Variants in NES observed in about 807,000 individuals in gnomAD.
NES encodes nestin.
NES carries 27 observed loss-of-function variants against 35.6 expected under a neutral mutation model. The observed-to-expected ratio is 0.76, with a 90% CI of 0.56 to 1.04. NES has a LOEUF of 1.04. Among genes scored for constraint, NES ranks in the 50% least tolerant of loss-of-function variants. The pLI is 0.00. For missense variants in NES, 1,867 were observed against 1,983.6 expected, an observed-to-expected ratio of 0.94 and a Z score of 1.12; for synonymous variants, 822 against 824.2, an observed-to-expected ratio of 1.00 and a Z score of 0.04.
Position 156,677,240 on chromosome 1 carries a change from A to G in NES, c.25T>C (p.Ser9Pro), listed in dbSNP as rs774233165. 6.2e-7 allele frequency: 1 copy of G among 1,609,956 alleles called. No homozygotes were observed. Among genetic ancestry groups the G allele is most frequent in the African/African-American group, 1.4e-5 (1 of 74,006 alleles). MEGCMGEE[S>P]FQMWELNRRL... is the part of the protein sequence containing the mutation. Reference sequence around the variant, plus strand: ...CGATTGAGCTCCCACATCTGAAACGACTCCTCCCCCATGCAGCCCTCCATC... The same window carrying G: ...CGATTGAGCTCCCACATCTGAAACGGCTCCTCCCCCATGCAGCCCTCCATC... The change falls in exon 1 of 4, where the codon TCG becomes CCG. Residue 9 changes from serine (S) to proline (P), a missense_variant. Physicochemically the swap from Ser to Pro is moderately conservative, Grantham distance 74. Transcript: ENST00000368223. This position sits in a 1 kb window ranked among gnomAD's most constrained non-coding sequence, Gnocchi z 4.5.
Position 156,676,733 on chromosome 1 carries a change from G to C in NES, c.532C>G (p.Leu178Val). Residue 178 changes from leucine to valine, a missense_variant, in exon 1 of 4, where the codon CTG becomes GTG. Leu to Val is a conservative substitution (Grantham distance 32, BLOSUM62 1). Transcript: ENST00000368223. This position sits in a 1 kb window ranked among gnomAD's most constrained non-coding sequence, Gnocchi z 5.3. ...CACGCCTCGCCCAGTCGCCTTGCCA[G>C]CTCCTCTACCTCCGGGGCCGGCGCG... is the stretch of plus-strand genomic sequence containing the variant. ...PPAPAPEVEELARRLGEAWRG... is the reference protein window; with the variant it reads ...PPAPAPEVEEVARRLGEAWRG... 1 of 1,385,606 alleles carries C rather than the reference G, an allele frequency of 7.2e-7. No individual in the cohort carries two copies. 85.8% of individuals were successfully genotyped at this position (1,385,606 alleles called of 1,614,324 possible). A position where few individuals can be genotyped will look rare whatever the true frequency, so the allele number is the denominator to read the frequency against.
rs183621633 is a variant in NES, at chr1:156,675,629, C to T, written c.784-289G>A. Among the ~76,000 whole-genome samples the T allele has an allele frequency of 3.9e-5, 6 of 152,236 alleles. No individual in the cohort carries two copies. The East Asian group carries it at 1.2e-3, about 29-fold the overall frequency. ...GCACATGTTGCTCAGAACACAGCTC[C>T]CACAGGAAGGGGAGGTGAGGGAGGA... On this transcript the variant is annotated intron_variant, in intron 1 of 3. Coordinates refer to ENST00000368223, the MANE Select transcript of NES (RefSeq NM_006617.2).
chr1:156,676,878 C>T lies in NES; in HGVS notation c.387G>A (p.Gln129=). The change falls in exon 1 of 4, where the codon CAG becomes CAA. Residue 129 remains glutamine (Q), a synonymous_variant. Coordinates refer to ENST00000368223, the MANE Select transcript of NES (RefSeq NM_006617.2). The surrounding 1 kb of genome is among the most constrained non-coding windows in gnomAD (Gnocchi z 5.3). ...EKCARAWLSS[Q]VAELERELEA... Reference sequence around the variant, plus strand: ...CTAGCTCGCGCTCCAGCTCTGCCACCTGGCTACTCAGCCAGGCCCGGGCGC... The same window carrying T: ...CTAGCTCGCGCTCCAGCTCTGCCACTTGGCTACTCAGCCAGGCCCGGGCGC... 6.5e-7 allele frequency: 1 copy of T among 1,535,392 alleles called. No individual in the cohort carries two copies. The highest frequency in any genetic ancestry group is 8.7e-7 in the Non-Finnish European group (1 of 1,152,924).
chr1:156,673,123 G>T lies in NES; in HGVS notation c.1065C>A (p.Ser355=). The change falls in exon 4 of 4, where the codon TCC becomes TCA. Residue 355 remains serine, a synonymous_variant. Transcript: ENST00000368223. The part of the protein sequence containing the change: ...GSLLPVLSPT[S]LPSPLPATLE... Reference sequence around the variant, plus strand: ...GGGTAGCAGGCAAGGGTGAGGGGAGGGAAGTTGGGCTCAGGACTGGGAGCA... The same window carrying T: ...GGGTAGCAGGCAAGGGTGAGGGGAGTGAAGTTGGGCTCAGGACTGGGAGCA... The T allele has an allele frequency of 6.3e-7, 1 of 1,580,308 alleles. No individual in the cohort carries two copies. The highest frequency in any genetic ancestry group is 8.6e-7 in the Non-Finnish European group (1 of 1,161,028).
chr1:156,672,239 C>T lies in NES; in HGVS notation c.1949G>A (p.Gly650Glu). The T allele has an allele frequency of 6.3e-7, 1 of 1,596,876 alleles. No homozygotes were observed. The highest frequency in any genetic ancestry group is 8.5e-7 in the Non-Finnish European group (1 of 1,174,880). The change falls in exon 4 of 4, where the codon GGA becomes GAA. Residue 650 changes from glycine (G) to glutamate (E), a missense_variant. By Grantham distance (98) the Gly-to-Glu change is moderately conservative. Coordinates refer to ENST00000368223, the MANE Select transcript of NES (RefSeq NM_006617.2). ...ACTTACTAATTCTTGATTTTCCGTT[C>T]CTGGAAATAAAAATGTCTCTAGATT... ...EGNLETFLFP[G>E]TENQELVSSL... is the part of the protein sequence containing the mutation.
Position 156,670,312 on chromosome 1 carries a change from C to T in NES, c.3876G>A (p.Gly1292=). 1 of 1,612,000 alleles carries T rather than the reference C, an allele frequency of 6.2e-7. No homozygotes were observed. Among genetic ancestry groups the T allele is most frequent in the South Asian group, 1.1e-5 (1 of 90,830 alleles). ...SREESEEDEL[G]ETLPDSTPLG... ...GGGGAGTGGAGTCTGGAAGGGTCTC[C>T]CCGAGCTCATCCTCCTCGCTCTCTT... is the stretch of plus-strand genomic sequence containing the variant. The change falls in exon 4 of 4, where the codon GGG becomes GGA. Residue 1292 remains glycine (G), a synonymous_variant. Transcript: ENST00000368223.
In NES at chr1:156,670,236, C is replaced by G. The variant is rs781700176; in HGVS notation, c.3952G>C (p.Glu1318Gln). Residue 1318 changes from glutamate (E) to glutamine (Q), a missense_variant, in exon 4 of 4, where the codon GAG becomes CAG. Physicochemically the swap from Glu to Gln is conservative, Grantham distance 29. Coordinates refer to ENST00000368223, the MANE Select transcript of NES (RefSeq NM_006617.2). ...TCCCCTTGAGGGGGTGGCCTCTGCTCTCCAGTGGGGTCCCACCTGGGGGAG... is the reference window on the plus strand; with the variant it reads ...TCCCCTTGAGGGGGTGGCCTCTGCTGTCCAGTGGGGTCCCACCTGGGGGAG... ...PTSPRWDPTGEQRPPPQGETG... is the reference protein window; with the variant it reads ...PTSPRWDPTGQQRPPPQGETG... 2 of 1,613,672 alleles carry G rather than the reference C, an allele frequency of 1.2e-6. No homozygotes were observed. The highest frequency in any genetic ancestry group is 2.2e-5 in the South Asian group (2 of 91,032).
chr1:156,676,976 G>A lies in NES; in HGVS notation c.289C>T (p.Gln97Ter). 1.3e-6 allele frequency: 2 copies of A among 1,565,964 alleles called. No homozygotes were observed. Among genetic ancestry groups the A allele is most frequent in the East Asian group, 2.4e-5 (1 of 41,846 alleles). Residue 97 changes from glutamine (Q) to a stop codon, truncating the protein, a stop_gained, in exon 1 of 4, where the codon CAG becomes TAG. Transcript: ENST00000368223. LOFTEE classifies it high-confidence loss of function. The surrounding 1 kb of genome is among the most constrained non-coding windows in gnomAD (Gnocchi z 5.3). Reference sequence around the variant, plus strand: ...GTCCGCTCCCGGGCCAGCCGCAGCTGCTGGCATCGGCCTGCCACGCCCTCC... The same window carrying A: ...GTCCGCTCCCGGGCCAGCCGCAGCTACTGGCATCGGCCTGCCACGCCCTCC... ...ELEGVAGRCQ[Q>*]LRLARERTTE...
At position 156,670,795 on chromosome 1, in the gene NES, T is replaced by A. The variant is rs755691692; in HGVS notation, c.3393A>T (p.Ala1131=). The change falls in exon 4 of 4, where the codon GCA becomes GCT. Residue 1131 remains alanine (A), a synonymous_variant. Coordinates refer to ENST00000368223, the MANE Select transcript of NES (RefSeq NM_006617.2). The part of the protein sequence containing the change: ...EPPLEEESLE[A]KRVQGLEGPR... ...GCCCTTCCAAGCCCTGAACCCTCTT[T>A]GCCTCCAAACTCTCCTCTTCCAGGG... 1 of 1,614,100 alleles carries A rather than the reference T, an allele frequency of 6.2e-7. No homozygotes were observed. Among genetic ancestry groups the A allele is most frequent in the Non-Finnish European group, 8.5e-7 (1 of 1,179,976 alleles).
Position 156,676,863 on chromosome 1 carries a change from C to A in NES, c.402G>T (p.Glu134Asp). 1 of 1,527,172 alleles carries A rather than the reference C, an allele frequency of 6.5e-7. No individual in the cohort carries two copies. The highest frequency in any genetic ancestry group is 2.5e-5 in the East Asian group (1 of 39,626). The allele number at this position is 1,527,172 out of a possible 1,614,324, so 94.6% of individuals were successfully genotyped here. The change falls in exon 1 of 4, where the codon GAG (glutamate) becomes GAT (aspartate). Residue 134 changes from glutamate (E) to aspartate (D), a missense_variant. By Grantham distance (45) the Glu-to-Asp change is conservative. Coordinates refer to ENST00000368223, the MANE Select transcript of NES (RefSeq NM_006617.2). The surrounding 1 kb of genome is among the most constrained non-coding windows in gnomAD (Gnocchi z 5.3). ...AWLSSQVAEL[E>D]RELEALRVAH... ...CCACGCGTAGAGCCTCTAGCTCGCGCTCCAGCTCTGCCACCTGGCTACTCA... is the reference window on the plus strand; with the variant it reads ...CCACGCGTAGAGCCTCTAGCTCGCGATCCAGCTCTGCCACCTGGCTACTCA...
In NES at chr1:156,671,618, T is replaced by C. The variant is rs1483838224; in HGVS notation, c.2570A>G (p.Gln857Arg). ...APLWTPEEIN[Q>R]GAMNPLEKEI... ...CTTTTCTAGAGGATTCATTGCCCCC[T>C]GATTTATTTCTTCTGGAGTCCACAG... Residue 857 changes from glutamine to arginine, a missense_variant, in exon 4 of 4, where the codon CAG becomes CGG. Gln to Arg is a conservative substitution (Grantham distance 43). Transcript: ENST00000368223. The C allele has an allele frequency of 6.2e-7, 1 of 1,614,022 alleles. No homozygotes were observed. Among genetic ancestry groups the C allele is most frequent in the East Asian group, 2.2e-5 (1 of 44,892 alleles).
Position 156,676,600 on chromosome 1 carries a change from C to T in NES, c.665G>A (p.Arg222His), listed in dbSNP as rs754568965. Reference protein sequence around the residue: ...GRAVQGAREGRLELQQLQAER... With the variant: ...GRAVQGAREGHLELQQLQAER... ...AGCCTGGAGCTGCTGCAGCTCCAGG[C>T]GGCCCTCGCGGGCACCCTGCACCGC... Residue 222 changes from arginine (R) to histidine (H), a missense_variant, in exon 1 of 4, where the codon CGC becomes CAC. Transcript: ENST00000368223. This position sits in a 1 kb window ranked among gnomAD's most constrained non-coding sequence, Gnocchi z 5.3. The T allele has an allele frequency of 6.4e-7, 1 of 1,570,344 alleles. No homozygotes were observed. The highest frequency in any genetic ancestry group is 8.6e-7 in the Non-Finnish European group (1 of 1,166,542).
At position 156,673,008 on chromosome 1, in the gene NES, G is replaced by C. The variant is rs751531373; in HGVS notation, c.1180C>G (p.Pro394Ala). Residue 394 changes from proline (P) to alanine (A), a missense_variant, in exon 4 of 4, where the codon CCT becomes GCT. Physicochemically the swap from Pro to Ala is conservative, Grantham distance 27. Coordinates refer to ENST00000368223, the MANE Select transcript of NES (RefSeq NM_006617.2). ...TLASTPIPPT[P>A]QAPSPAVDAE... is the part of the protein sequence containing the mutation. ...TCTACAGCAGGAGAGGGTGCCTGAG[G>C]TGTGGGGGGGATGGGGGTGCTGGCC... is the stretch of plus-strand genomic sequence containing the variant. The C allele has an allele frequency of 4.3e-6, 7 of 1,612,488 alleles. No individual in the cohort carries two copies. Among genetic ancestry groups the C allele is most frequent in the Non-Finnish European group, 5.9e-6 (7 of 1,178,736 alleles).
In NES at chr1:156,677,087, G is replaced by T; in HGVS notation, c.178C>A (p.Leu60Met). Residue 60 changes from leucine to methionine, a missense_variant, in exon 1 of 4, where the codon CTG (leucine) becomes ATG (methionine). Coordinates refer to ENST00000368223, the MANE Select transcript of NES (RefSeq NM_006617.2). The surrounding 1 kb of genome is among the most constrained non-coding windows in gnomAD (Gnocchi z 4.5). ...TSWRAHADDE[L>M]AALRALVDQR... ...TCAACGAGGGCCCGCAGGGCCGCCAGCTCGTCGTCGGCATGCGCCCGCCAG... is the reference window on the plus strand; with the variant it reads ...TCAACGAGGGCCCGCAGGGCCGCCATCTCGTCGTCGGCATGCGCCCGCCAG... 6.2e-7 allele frequency: 1 copy of T among 1,602,430 alleles called. No individual in the cohort carries two copies. The highest frequency in any genetic ancestry group is 8.5e-7 in the Non-Finnish European group (1 of 1,175,786).
intron 2 of NES, among the ~76,000 whole-genome samples, chr1:156,674,408 G>A (rs1679797951): frequency 6.6e-6 from 1 of 152,116 alleles, no homozygotes. Context: ...CCTGGCGGTG[G>A]AGCCCCTCTC....
rs1292939595 is a variant in NES at position 156,676,332 on chromosome 1, CTAGGACT to C, written c.783+143_783+149del. Reference sequence around the variant, plus strand: ...CCTACACTAGACGGGCTGTAAAAGTCTAGGACTTGTGGCACCAGGTTTCTGAGAACTG... The same window carrying C: ...CCTACACTAGACGGGCTGTAAAAGTCTGTGGCACCAGGTTTCTGAGAACTG... On this transcript the variant is annotated intron_variant, in intron 1 of 3. Transcript: ENST00000368223. This position sits in a 1 kb window ranked among gnomAD's most constrained non-coding sequence, Gnocchi z 5.3. The C allele has an allele frequency of 5.4e-6, 4 of 745,824 alleles. No individual in the cohort carries two copies. In the African/African-American group the frequency reaches 7.1e-5, roughly 13 times the overall value. The allele number at this position is 745,824 out of a possible 1,614,324, so 46.2% of individuals were successfully genotyped here.
At position 156,669,466 on chromosome 1, in the gene NES, G is replaced by A. The variant is rs375591862; in HGVS notation, c.4722C>T (p.Asp1574=). The A allele has an allele frequency of 2.0e-4, 324 of 1,612,898 alleles. 1 individual carries two copies. Among genetic ancestry groups the A allele is most frequent in the Non-Finnish European group, 1.5e-4 (177 of 1,179,532 alleles). The change falls in exon 4 of 4, where the codon GAC becomes GAT. Residue 1574 remains aspartate (D), a synonymous_variant. Transcript: ENST00000368223. ...GQGMPLVSEG[D]RGSPFQEEEG... is the part of the protein sequence containing the mutation. ...CCTCCTCCTGAAAGGGGCTCCCTCG[G>A]TCTCCCTCAGAGACTAGCGGCATTC...
Position 156,670,375 on chromosome 1 carries a change from G to A in NES, c.3813C>T (p.Ile1271=). The A allele has an allele frequency of 1.2e-6, 2 of 1,604,260 alleles. No individual in the cohort carries two copies. The highest frequency in any genetic ancestry group is 2.2e-5 in the South Asian group (2 of 89,378). ...SEQEELGSGE[I]PEGPQEEGEE... The stretch of plus-strand genomic sequence containing the variant: ...CCCCTTCCTCCTGGGGGCCCTCGGG[G>A]ATCTCCCCAGAACCCAACTCCTCCT... The change falls in exon 4 of 4, where the codon ATC becomes ATT. Residue 1271 remains isoleucine (I), a synonymous_variant. Coordinates refer to ENST00000368223, the MANE Select transcript of NES (RefSeq NM_006617.2).
chr1:156,673,549 T>C, intron 2 of NES, 22 bp from the exon 3 acceptor site: 1 of 1,580,442 alleles, frequency 6.3e-7, no homozygotes, highest in Non-Finnish European at 8.6e-7. Context: ...AGAGGGAAAG[T>C]GGGGTCAGCC....
Sources: gnomAD v4.1 joint callset for allele counts (sites outside exome capture counted in the v4.1 genomes callset) on GRCh38, gnomAD v4.1.1 for gene constraint, Gnocchi (gnomAD v3.1) non-coding constraint, MANE v1.5 for transcripts, NCBI Gene and HGNC (gene_info 2026-07-23, HGNC 2026-07-21) for gene names.